ANKRD30A: variants seen among roughly 807,000 people sequenced by gnomAD.
The protein encoded by ANKRD30A is ankyrin repeat domain-containing protein 30A.
Under a neutral mutation model 166.3 loss-of-function variants are expected in ANKRD30A, and 170 were observed. The observed-to-expected ratio is 1.02, with a 90% confidence interval of 0.90 to 1.16. The LOEUF (loss-of-function observed/expected upper bound fraction) is 1.16, where lower values mean the gene tolerates loss of function less well. Among genes scored for constraint, ANKRD30A ranks in the 50% most tolerant of loss-of-function variants. ANKRD30A has a pLI of 0.00. For missense variants in ANKRD30A, 1,630 were observed against 1,518.0 expected, an observed-to-expected ratio of 1.07 and a Z score of -1.23; for synonymous variants, 564 against 508.9, an observed-to-expected ratio of 1.11 and a Z score of -1.46.
At chr10:37,210,324 A>G (rs1301853769) in intron 31 of ANKRD30A, among the ~76,000 whole-genome samples, 2 of 152,082 alleles carry the variant, frequency 1.3e-5, no homozygotes, top group Admixed American at 6.6e-5. Context: ...ATAGTATTTT[A>G]TGGTGTATAT....
At chr10:37,197,689 GATGTTTCTACTT>G (rs1182965912) in intron 29 of ANKRD30A, among the ~76,000 whole-genome samples, 10 of 151,884 alleles carry the variant, frequency 6.6e-5, no homozygotes, top group Non-Finnish European at 1.3e-4. Context: ...CTTAATCTCA[GATGTTTCTACTT>G]TTGTATCCTG....
intron 34 of ANKRD30A, among the ~76,000 whole-genome samples, chr10:37,226,877 C>G (rs934602517): frequency 6.6e-6 from 1 of 151,742 alleles, no homozygotes; most frequent in African/African-American, 2.4e-5. Flanking sequence ...AAGTGGCACC[C>G]CTCTGTGGTT....
the ANKRD30A span, among the ~76,000 whole-genome samples, chr10:37,253,468 A>G: frequency 6.6e-6 from 1 of 152,126 alleles, no homozygotes; most frequent in Non-Finnish European, 1.5e-5. Context: ...TCTGAAAGAA[A>G]CCCTATATTC....
the ANKRD30A span, among the ~76,000 whole-genome samples, chr10:37,258,294 T>A: frequency 6.6e-6 from 1 of 152,188 alleles, no homozygotes; most frequent in Non-Finnish European, 1.5e-5. Flanking sequence ...ACAAGCTAAT[T>A]TTAAATGTAT....
chr10:37,232,701 G>A (rs1381769801), downstream of ANKRD30A: 195 of 73,750 alleles, frequency 2.6e-3, 1 homozygote, highest in African/African-American at 8.5e-3. Context: ...TATAAATAGA[G>A]AGAGAGAGAG....
rs2997347 is a variant in ANKRD30A at position 37,197,484 on chromosome 10, C to T, written c.2716+4C>T. On this transcript the variant is annotated splice_donor_region_variant and intron_variant, in intron 29 of 35. Coordinates refer to ENST00000361713, the MANE Select transcript of ANKRD30A (RefSeq NM_052997.3). ...AATGAACAAACATTGAGAGCAGGTA[C>T]ATTTTTCAATGTAACTATGCGAAGA... is the stretch of plus-strand genomic sequence containing the variant. 69 of 1,612,110 alleles carry T rather than the reference C, an allele frequency of 4.3e-5. 2 individuals are homozygous for T. The African/African-American group carries it at 5.6e-4, about 13-fold the overall frequency.
intron 24 of ANKRD30A, among the ~76,000 whole-genome samples, chr10:37,179,584 G>C (rs1242928570): frequency 2.0e-5 from 3 of 149,712 alleles, no homozygotes; most frequent in African/African-American, 7.3e-5. Flanking sequence ...TATCCAAGCT[G>C]ATCAATTCAT....
chr10:37,257,655 T>G, the ANKRD30A span, among the ~76,000 whole-genome samples: 1 of 152,214 alleles, frequency 6.6e-6, no homozygotes, highest in South Asian at 2.1e-4. Flanking sequence ...TTTCATTATT[T>G]ACCCAGTAGT....
chr10:37,146,178 T>C (rs1837497796), intron 8 of ANKRD30A, among the ~76,000 whole-genome samples: 2 of 152,280 alleles, frequency 1.3e-5, no homozygotes, highest in Non-Finnish European at 2.9e-5. Context: ...GACTTTCTAA[T>C]ACTTGATTGC....
the ANKRD30A span, chr10:37,241,318 ATATTT>A: frequency 6.6e-6 from 1 of 150,854 alleles, no homozygotes; most frequent in Admixed American, 6.6e-5. Context: ...AAAAATTGTA[ATATTT>A]TATTACTGGA....
In ANKRD30A at chr10:37,166,150, A is replaced by G. The variant is rs944821685; in HGVS notation, c.2065-455A>G. ...ATGACAGACTCTAAAAGTTCTCATC[A>G]TGACATGCATGATTTTTAACACTAA... On this transcript the variant is annotated intron_variant, in intron 18 of 35. Coordinates refer to ENST00000361713, the MANE Select transcript of ANKRD30A (RefSeq NM_052997.3). Among the ~76,000 whole-genome samples the G allele has an allele frequency of 5.9e-5, 9 of 152,278 alleles. 1 individual carries two copies. The highest frequency in any genetic ancestry group is 1.7e-4 in the African/African-American group (7 of 41,544).
intron 27 of ANKRD30A, among the ~76,000 whole-genome samples, chr10:37,196,505 G>A (rs1238392495): frequency 2.0e-5 from 3 of 152,082 alleles, no homozygotes; most frequent in East Asian, 1.9e-4. Flanking sequence ...CGAATTGTAG[G>A]AACTGTAAAA....
At chr10:37,248,279 G>A in the ANKRD30A span, 1 of 540,546 alleles carries the variant, frequency 1.8e-6, no homozygotes, top group South Asian at 1.5e-5. Flanking sequence ...CCTCAAAAAG[G>A]CCCTGCCTTC....
chr10:37,143,105 ATTAGCT>A (rs745840521), intron 7 of ANKRD30A, among the ~76,000 whole-genome samples: 20 of 152,338 alleles, frequency 1.3e-4, no homozygotes, highest in African/African-American at 2.6e-4. Context: ...AATTACTGTG[ATTAGCT>A]TAGAATAATG....
chr10:37,227,852 A>G (rs989707523), intron 34 of ANKRD30A, among the ~76,000 whole-genome samples: 1 of 151,982 alleles, frequency 6.6e-6, no homozygotes, highest in Non-Finnish European at 1.5e-5. Context: ...TCATCTGTAG[A>G]TGTTATCCAT....
intron 18 of ANKRD30A, among the ~76,000 whole-genome samples, chr10:37,165,515 A>C (rs1345779719): frequency 6.6e-6 from 1 of 152,196 alleles, no homozygotes; most frequent in Non-Finnish European, 1.5e-5. Flanking sequence ...GAGGTAGAAA[A>C]GTTCTAATTG....
intron 18 of ANKRD30A, among the ~76,000 whole-genome samples, chr10:37,165,736 T>C (rs1383854095): frequency 6.6e-6 from 1 of 152,122 alleles, no homozygotes; most frequent in Non-Finnish European, 1.5e-5. Flanking sequence ...AAATATAAAT[T>C]ATATTTTCAC....
chr10:37,161,856 A>G (rs1233866101), intron 15 of ANKRD30A, among the ~76,000 whole-genome samples: 1 of 152,222 alleles, frequency 6.6e-6, no homozygotes, highest in Non-Finnish European at 1.5e-5. Context: ...GATACACCGA[A>G]CCAGACGAAT....
intron 14 of ANKRD30A, 28 bp downstream of exon 14, chr10:37,158,448 G>T: frequency 6.2e-7 from 1 of 1,612,440 alleles, no homozygotes; most frequent in Non-Finnish European, 8.5e-7. Flanking sequence ...TTTGTCTTGA[G>T]TATCAACTAC....
Sources: gnomAD v4.1 joint callset for allele counts (sites outside exome capture counted in the v4.1 genomes callset) on GRCh38, gnomAD v4.1.1 for gene constraint, MANE v1.5 for transcripts, NCBI Gene and HGNC (gene_info 2026-07-23, HGNC 2026-07-21) for gene names.